Variants in CDC14B observed in about 807,000 individuals in gnomAD.
CDC14B encodes the protein cell division cycle 14B.
Under a neutral mutation model 64.2 loss-of-function variants are expected in CDC14B, and 22 were observed. The observed-to-expected ratio is 0.34, with a 90% CI of 0.24 to 0.49. The LOEUF (loss-of-function observed/expected upper bound fraction) is 0.49, where lower values mean the gene tolerates loss of function less well. CDC14B is among the 20% of genes least tolerant of loss of function. CDC14B has a pLI of 0.99. For synonymous variants in CDC14B, 191 were observed against 215.8 expected, an observed-to-expected ratio of 0.89 and a Z score of 1.01; for missense variants, 498 against 629.9, an observed-to-expected ratio of 0.79 and a Z score of 2.24.
intron 1 of CDC14B, among the ~76,000 whole-genome samples, chr9:96,609,664 A>T (rs1432967644): frequency 1.3e-5 from 2 of 152,238 alleles, no homozygotes; most frequent in Non-Finnish European, 2.9e-5. Flanking sequence ...AGAATTTGTA[A>T]TGATAGTATT....
chr9:96,614,607 T>C (rs1401309857), intron 1 of CDC14B, among the ~76,000 whole-genome samples: 1 of 152,160 alleles, frequency 6.6e-6, no homozygotes, highest in Non-Finnish European at 1.5e-5. Context: ...TTTTTTTTCC[T>C]GAGGAAAGGA....
At chr9:96,512,325 TC>T (rs1431093944) in intron 12 of CDC14B, among the ~76,000 whole-genome samples, 12 of 149,568 alleles carry the variant, frequency 8.0e-5, no homozygotes, top group Admixed American at 8.0e-4. Context: ...AAATTTTTTT[TC>T]TTTTTTTTTT....
chr9:96,524,534 A>T (rs894844030), intron 9 of CDC14B, among the ~76,000 whole-genome samples: 1 of 152,164 alleles, frequency 6.6e-6, no homozygotes, highest in Non-Finnish European at 1.5e-5. Flanking sequence ...GGCCTGTCTT[A>T]TCTAGACTAT....
rs980717119 is a variant in CDC14B, at chr9:96,502,534, C to T, written c.*1219G>A. 1 of 217,518 alleles carries T rather than the reference C, an allele frequency of 4.6e-6. No individual in the cohort carries two copies. The allele number at this position is 217,518 out of a possible 1,614,324, so 13.5% of individuals were successfully genotyped here. On this transcript the variant is annotated 3_prime_UTR_variant, in exon 14 of 14. Coordinates refer to ENST00000375241, the MANE Select transcript of CDC14B (RefSeq NM_033331.4). The stretch of plus-strand genomic sequence containing the variant: ...AAAAATGGCTTAACAATCATTAAAC[C>T]ACCCACTTCTTATGGAAGGAACTGA...
chr9:96,503,884 GAC>G, intron 13 of CDC14B, 95 bp from the exon 14 acceptor site: 1 of 947,356 alleles, frequency 1.1e-6, no homozygotes, highest in South Asian at 1.4e-5. Context: ...TAAAAATACT[GAC>G]ATGCTAAAAA....
chr9:96,619,166 C>A (rs914002627), intron 1 of CDC14B, 53 bp downstream of exon 1: 123 of 1,213,750 alleles, frequency 1.0e-4, no homozygotes, highest in African/African-American at 1.0e-3. Context: ...GGCCAGGGCC[C>A]CGCGCCGGGT....
At chr9:96,539,865 C>A (rs1839795836) in intron 6 of CDC14B, among the ~76,000 whole-genome samples, 1 of 152,164 alleles carries the variant, frequency 6.6e-6, no homozygotes, top group Admixed American at 6.5e-5. Flanking sequence ...TGAGAAATAT[C>A]CTCCTGGCTG....
At chr9:96,511,501 G>A (rs1834901340) in intron 12 of CDC14B, among the ~76,000 whole-genome samples, 1 of 152,190 alleles carries the variant, frequency 6.6e-6, no homozygotes, top group South Asian at 2.1e-4. Flanking sequence ...AACCTGGGCA[G>A]CAGAGGTTGT....
intron 12 of CDC14B, among the ~76,000 whole-genome samples, chr9:96,512,856 T>C (rs573261312): frequency 5.9e-5 from 9 of 151,832 alleles, no homozygotes; most frequent in Admixed American, 3.3e-4. Context: ...TTTTTTTTTT[T>C]AAATACAACA....
intron 4 of CDC14B, 112 bp downstream of exon 4, chr9:96,562,581 T>C (rs965327015): frequency 2.6e-6 from 2 of 784,012 alleles, no homozygotes; most frequent in African/African-American, 3.5e-5. Context: ...CAAAACACGT[T>C]CTTTCTGAAG....
At position 96,558,870 on chromosome 9, in the gene CDC14B, ATT is replaced by A. The variant is rs1449716049; in HGVS notation, c.420+3821_420+3822del. ...AACAAAAGCTCAAGTCATCTTTTATATTTTTCAACTCTTACAGTGGTGCAAAA... is the reference window on the plus strand; with the variant it reads ...AACAAAAGCTCAAGTCATCTTTTATATTTCAACTCTTACAGTGGTGCAAAA... On this transcript the variant is annotated intron_variant, in intron 4 of 13. Coordinates refer to ENST00000375241, the MANE Select transcript of CDC14B (RefSeq NM_033331.4). 2.0e-5 allele frequency among the ~76,000 whole-genome samples: 3 copies of A among 152,200 alleles called. No homozygotes were observed. The East Asian group carries it at 5.8e-4, about 29-fold the overall frequency.
intron 12 of CDC14B, among the ~76,000 whole-genome samples, chr9:96,512,078 G>A (rs1274295502): frequency 2.6e-5 from 4 of 151,648 alleles, no homozygotes; most frequent in Non-Finnish European, 5.9e-5. Flanking sequence ...AATTAGCCGG[G>A]CGTGGTGGGG....
chr9:96,589,642 T>C (rs1052300448), intron 1 of CDC14B, among the ~76,000 whole-genome samples: 1 of 152,128 alleles, frequency 6.6e-6, no homozygotes, highest in African/African-American at 2.4e-5. Flanking sequence ...TAGAAATAGA[T>C]GTAACACCGA....
chr9:96,576,134 C>T (rs575015516), intron 1 of CDC14B, among the ~76,000 whole-genome samples: 2 of 151,556 alleles, frequency 1.3e-5, no homozygotes, highest in East Asian at 3.9e-4. Flanking sequence ...AAAAATTAAG[C>T]TGGGCATGGT....
chr9:96,548,350 C>T (rs1477665932), intron 5 of CDC14B, among the ~76,000 whole-genome samples: 1 of 151,990 alleles, frequency 6.6e-6, no homozygotes. Context: ...TACCAGAGAA[C>T]AGAAATACAC....
intron 9 of CDC14B, among the ~76,000 whole-genome samples, chr9:96,529,489 C>CATTTTTTT (rs1564255829): frequency 2.1e-5 from 3 of 145,156 alleles, no homozygotes; most frequent in African/African-American, 8.0e-5. Context: ...TTGTACTAAG[C>CATTTTTTT]CTTTTTTTTT....
rs1280351385 is a variant in CDC14B, at chr9:96,500,672, T to A, written c.*3081A>T. On this transcript the variant is annotated 3_prime_UTR_variant, in exon 14 of 14. Coordinates refer to ENST00000375241, the MANE Select transcript of CDC14B (RefSeq NM_033331.4). ...GGGCAGTTTCAGCGGGAGAGAACAT[T>A]TAAAGGAACAATAAAATAGGTTTTA... 6.6e-6 allele frequency: 1 copy of A among 152,590 alleles called. No individual in the cohort carries two copies. Among genetic ancestry groups the A allele is most frequent in the Admixed American group, 6.5e-5 (1 of 15,282 alleles). 9.5% of individuals were successfully genotyped at this position (152,590 alleles called of 1,614,324 possible).
intron 7 of CDC14B, 129 bp from the exon 8 acceptor site, chr9:96,534,671 T>G: frequency 1.6e-6 from 1 of 637,930 alleles, no homozygotes; most frequent in Non-Finnish European, 2.8e-6. Context: ...CAAATTGCCA[T>G]GAGACAGGAA....
chr9:96,523,548 CAT>C (rs1170988108), intron 10 of CDC14B, 37 bp downstream of exon 10: 1 of 1,612,824 alleles, frequency 6.2e-7, no homozygotes, highest in Non-Finnish European at 8.5e-7. Context: ...TCCAACCCCA[CAT>C]GTTCCCTGGG....
Sources: gnomAD v4.1 joint callset for allele counts (sites outside exome capture counted in the v4.1 genomes callset) on GRCh38, gnomAD v4.1.1 for gene constraint, MANE v1.5 for transcripts, NCBI Gene and HGNC (gene_info 2026-07-23, HGNC 2026-07-21) for gene names.